Variants in ARHGEF28 observed in about 807,000 individuals in gnomAD.
ARHGEF28 encodes 190 kDa guanine nucleotide exchange factor.
Under a neutral mutation model 206.6 loss-of-function variants are expected in ARHGEF28, and 152 were observed. The observed-to-expected ratio is 0.74, with a 90% CI of 0.64 to 0.84. The LOEUF (loss-of-function observed/expected upper bound fraction) is 0.84. Ranked by LOEUF, ARHGEF28 falls within the 40% of genes least tolerant of loss-of-function variation. The pLI is 0.00. For synonymous variants in ARHGEF28, 763 were observed against 776.4 expected (o/e 0.98, Z 0.29); for missense variants, 2,028 against 2,073.2 (o/e 0.98, Z 0.42).
chr5:73,672,691 C>T (rs1034277477), intron 1 of ARHGEF28, among the ~76,000 whole-genome samples: 4 of 152,114 alleles, frequency 2.6e-5, no homozygotes, highest in East Asian at 1.9e-4. Flanking sequence ...TTGAGCTTTG[C>T]GTTGACATGA....
At chr5:73,830,524 A>G (rs1335432910) in intron 9 of ARHGEF28, among the ~76,000 whole-genome samples, 2 of 150,834 alleles carry the variant, frequency 1.3e-5, no homozygotes, top group Non-Finnish European at 3.0e-5. Context: ...ACTGCACTCC[A>G]GCCTGGTGAC....
chr5:73,759,108 C>T (rs1371630255), intron 4 of ARHGEF28, among the ~76,000 whole-genome samples: 1 of 151,534 alleles, frequency 6.6e-6, no homozygotes, highest in Non-Finnish European at 1.5e-5. Context: ...AGAGCTGTCC[C>T]CAAAGAAAAC....
chr5:73,736,290 T>C (rs1389262962), intron 2 of ARHGEF28, among the ~76,000 whole-genome samples: 1 of 152,124 alleles, frequency 6.6e-6, no homozygotes, highest in Non-Finnish European at 1.5e-5. Context: ...CGGCAGAGGC[T>C]TTGCTGTGGG....
At chr5:73,683,119 T>A (rs79707899) in intron 1 of ARHGEF28, among the ~76,000 whole-genome samples, 1 of 150,984 alleles carries the variant, frequency 6.6e-6, no homozygotes, top group Non-Finnish European at 1.5e-5. Context: ...TGATGCTGGG[T>A]TTTTTTTGTT....
At chr5:73,935,387 T>G (rs903176269) in intron 35 of ARHGEF28, among the ~76,000 whole-genome samples, 4 of 152,154 alleles carry the variant, frequency 2.6e-5, no homozygotes, top group Admixed American at 2.0e-4. Flanking sequence ...AGATATAAAC[T>G]CCAGACTGGT....
At chr5:73,724,876 G>C (rs1750182210) in intron 2 of ARHGEF28, among the ~76,000 whole-genome samples, 1 of 152,158 alleles carries the variant, frequency 6.6e-6, no homozygotes, top group East Asian at 1.9e-4. Context: ...GATTTCATGT[G>C]AATATAAGTT....
At chr5:73,921,967 A>G (rs1003845312) in intron 35 of ARHGEF28, among the ~76,000 whole-genome samples, 10 of 152,338 alleles carry the variant, frequency 6.6e-5, no homozygotes, top group African/African-American at 2.4e-4. Flanking sequence ...AGGGCATTGC[A>G]CTCTAAGAGT....
chr5:73,784,271 A>G (rs1293758001), intron 7 of ARHGEF28, among the ~76,000 whole-genome samples: 2 of 152,198 alleles, frequency 1.3e-5, no homozygotes, highest in African/African-American at 2.4e-5. Flanking sequence ...GCTGCTATTA[A>G]TTAAAAGACT....
At chr5:73,769,138 G>T (rs1753075431) in intron 4 of ARHGEF28, among the ~76,000 whole-genome samples, 1 of 152,046 alleles carries the variant, frequency 6.6e-6, no homozygotes, top group South Asian at 2.1e-4. Context: ...CATGAAAATG[G>T]ACTAATACAC....
intron 16 of ARHGEF28, 43 bp from the exon 17 acceptor site, chr5:73,864,770 CTAAT>C: frequency 6.5e-7 from 1 of 1,530,096 alleles, no homozygotes; most frequent in South Asian, 1.2e-5. Context: ...TAATTTCAGA[CTAAT>C]TAAGTAAGAT....
intron 26 of ARHGEF28, among the ~76,000 whole-genome samples, chr5:73,889,769 A>C (rs943227765): frequency 1.3e-5 from 2 of 152,214 alleles, no homozygotes; most frequent in Non-Finnish European, 2.9e-5. Context: ...GTCAGAAGCA[A>C]TGAGACAATA....
At chr5:73,846,586 A>AG in intron 12 of ARHGEF28, 111 bp downstream of exon 12, 6 of 938,464 alleles carry the variant, frequency 6.4e-6, no homozygotes, top group Non-Finnish European at 9.3e-6. Flanking sequence ...CATATGAACT[A>AG]TTTTTTTGAG....
At chr5:73,693,256 C>T (rs1245335206) in intron 2 of ARHGEF28, among the ~76,000 whole-genome samples, 2 of 152,184 alleles carry the variant, frequency 1.3e-5, no homozygotes, top group South Asian at 2.1e-4. Context: ...TGACCAAGTA[C>T]TCAAAGGCAC....
intron 1 of ARHGEF28, among the ~76,000 whole-genome samples, chr5:73,637,843 A>G (rs1025958891): frequency 1.3e-5 from 2 of 152,216 alleles, no homozygotes; most frequent in African/African-American, 4.8e-5. Context: ...TGGAGAAGCA[A>G]TGGACCAGCG....
At chr5:73,890,009 A>G (rs1761530220) in intron 26 of ARHGEF28, among the ~76,000 whole-genome samples, 1 of 152,252 alleles carries the variant, frequency 6.6e-6, no homozygotes, top group Admixed American at 6.5e-5. Flanking sequence ...CGTGGCACAA[A>G]TAAAACATCT....
intron 2 of ARHGEF28, among the ~76,000 whole-genome samples, chr5:73,700,623 G>A (rs950107662): frequency 6.6e-6 from 1 of 152,156 alleles, no homozygotes; most frequent in African/African-American, 2.4e-5. Flanking sequence ...AGCTGGAAGA[G>A]AAGCTTCTGA....
chr5:73,653,775 A>G (rs1744993015), intron 1 of ARHGEF28, among the ~76,000 whole-genome samples: 1 of 152,118 alleles, frequency 6.6e-6, no homozygotes, highest in African/African-American at 2.4e-5. Context: ...GGCTTCCCCT[A>G]CAGCTCCTTT....
intron 2 of ARHGEF28, among the ~76,000 whole-genome samples, chr5:73,738,138 C>A (rs1751128224): frequency 6.6e-6 from 1 of 152,158 alleles, no homozygotes; most frequent in Non-Finnish European, 1.5e-5. Flanking sequence ...GACTTCTTTT[C>A]ATAAAGGCTC....
intron 2 of ARHGEF28, among the ~76,000 whole-genome samples, chr5:73,698,688 T>A (rs1748377589): frequency 6.6e-6 from 1 of 151,892 alleles, no homozygotes; most frequent in Non-Finnish European, 1.5e-5. Context: ...AGTGATTATG[T>A]GTGATAATTG....
Sources: allele counts gnomAD v4.1 joint callset (sites outside exome capture counted in the v4.1 genomes callset), GRCh38; gene constraint gnomAD v4.1.1; transcripts MANE v1.5; gene names NCBI Gene and HGNC (gene_info 2026-07-23, HGNC 2026-07-21).